Variants in TAF3 observed in about 807,000 individuals in gnomAD.
TAF3 encodes the protein TATA-box binding protein associated factor 3.
TAF3 carries 7 observed loss-of-function variants against 80.6 expected under a neutral mutation model. That is an observed-to-expected ratio of 0.09 (90% CI 0.05 to 0.16). The LOEUF (loss-of-function observed/expected upper bound fraction) is 0.16, where lower values mean the gene tolerates loss of function less well. TAF3 is among the 10% of genes least tolerant of loss of function. The pLI, the probability that TAF3 is intolerant of heterozygous loss-of-function variation, is 1.00. For missense variants in TAF3, 921 were observed against 1,140.2 expected, an observed-to-expected ratio of 0.81 and a Z score of 2.77; for synonymous variants, 444 against 446.1, an observed-to-expected ratio of 1.00 and a Z score of 0.06.
At chr10:7,985,486 A>G (rs752153835) in intron 4 of TAF3, among the ~76,000 whole-genome samples, 19 of 152,182 alleles carry the variant, frequency 1.2e-4, no homozygotes, top group Non-Finnish European at 2.1e-4. Context: ...GAAAAAGGCT[A>G]TGTAACATCT....
intron 1 of TAF3, among the ~76,000 whole-genome samples, chr10:7,823,698 G>A (rs1206224884): frequency 1.4e-5 from 2 of 148,082 alleles, no homozygotes; most frequent in Admixed American, 6.8e-5. Context: ...GTAGTGGCAC[G>A]ATCTCGGCTC....
intron 4 of TAF3, among the ~76,000 whole-genome samples, chr10:7,999,224 A>G (rs1164341473): frequency 2.0e-5 from 3 of 152,174 alleles, no homozygotes; most frequent in African/African-American, 7.2e-5. Flanking sequence ...AAAGCTGATT[A>G]ATATTTCTTG....
At chr10:7,915,469 C>G (rs1236293490) in intron 2 of TAF3, among the ~76,000 whole-genome samples, 5 of 147,138 alleles carry the variant, frequency 3.4e-5, no homozygotes, top group African/African-American at 1.3e-4. Flanking sequence ...ACGGTGAAAC[C>G]CCGTCTCTAC....
chr10:7,924,742 ACTAT>A (rs750924985), intron 2 of TAF3, among the ~76,000 whole-genome samples: 23 of 151,348 alleles, frequency 1.5e-4, no homozygotes, highest in Non-Finnish European at 3.2e-4. Flanking sequence ...CCAACAGAAC[ACTAT>A]CTGTGTTTTT....
chr10:7,957,792 GCGCTCTCTCTCTCT>G lies in TAF3; in HGVS notation c.410-6126_410-6113del, dbSNP rs1443295753. Among the ~76,000 whole-genome samples, 111 of 134,334 alleles carry G rather than the reference GCGCTCTCTCTCTCT, an allele frequency of 8.3e-4. 1 individual carries two copies. The East Asian group carries it at 0.016, about 20-fold the overall frequency. The allele number at this position is 134,334 out of a possible 152,430, so 88.1% of individuals were successfully genotyped here. A position where few individuals can be genotyped will look rare whatever the true frequency, so the allele number is the denominator to read the frequency against. On this transcript the variant is annotated intron_variant, in intron 2 of 6. Coordinates refer to ENST00000344293, the MANE Select transcript of TAF3 (RefSeq NM_031923.4). Reference sequence around the variant, plus strand: ...CTGTCTGTCTCACGCTCTCTCTAGCGCGCTCTCTCTCTCTCTCTCTCTCTCTCTCTCTCTCGATG... The same window carrying G: ...CTGTCTGTCTCACGCTCTCTCTAGCGCTCTCTCTCTCTCTCTCTCTCGATG...
chr10:7,926,668 A>G (rs1427621584), intron 2 of TAF3, among the ~76,000 whole-genome samples: 1 of 152,194 alleles, frequency 6.6e-6, no homozygotes, highest in Non-Finnish European at 1.5e-5. Flanking sequence ...AATTAAAACA[A>G]AATTTGTCTT....
Position 7,891,696 on chromosome 10 carries a change from T to C in TAF3, c.409+67136T>C, listed in dbSNP as rs189093328. ...ATTTAAGCATCTGTTTATCACTGCC[T>C]GGCTAGACTGAATGTAAAATTTCAA... On this transcript the variant is annotated intron_variant, in intron 2 of 6. Coordinates refer to ENST00000344293, the MANE Select transcript of TAF3 (RefSeq NM_031923.4). 2.0e-5 allele frequency among the ~76,000 whole-genome samples: 3 copies of C among 152,378 alleles called. No homozygotes were observed. In the East Asian group the frequency reaches 5.8e-4, roughly 29 times the overall value.
chr10:7,881,837 C>CA (rs1204584133), intron 2 of TAF3, among the ~76,000 whole-genome samples: 1 of 152,132 alleles, frequency 6.6e-6, no homozygotes, highest in African/African-American at 2.4e-5. Context: ...CTTCTCTGTG[C>CA]CCTAGTTAAC....
chr10:7,912,349 G>A (rs190555523), intron 2 of TAF3, among the ~76,000 whole-genome samples: 12 of 152,006 alleles, frequency 7.9e-5, no homozygotes, highest in African/African-American at 1.5e-4. Context: ...ATCATTCTGC[G>A]TTGGCCCCGC....
chr10:7,842,706 A>C (rs1322445674), intron 2 of TAF3, among the ~76,000 whole-genome samples: 4 of 152,174 alleles, frequency 2.6e-5, no homozygotes, highest in Non-Finnish European at 5.9e-5. Flanking sequence ...CCCCAATAAG[A>C]TATATCTGTT....
intron 4 of TAF3, among the ~76,000 whole-genome samples, chr10:8,007,366 A>G (rs1414311460): frequency 1.3e-5 from 2 of 151,820 alleles, no homozygotes; most frequent in African/African-American, 4.8e-5. Flanking sequence ...GTTTATGGAC[A>G]CCTACAAAGG....
In TAF3 at chr10:7,824,313, T is replaced by C; in HGVS notation, c.167-5T>C. On this transcript the variant is annotated splice_region_variant and splice_polypyrimidine_tract_variant and intron_variant, in intron 1 of 6. Transcript: ENST00000344293. ...TAATTTGATTTGCTTTTCACTTTGT[T>C]TCAGATGGCCGAACAGACCCAATTT... is the stretch of plus-strand genomic sequence containing the variant. 6.2e-7 allele frequency: 1 copy of C among 1,601,750 alleles called. No homozygotes were observed. The highest frequency in any genetic ancestry group is 8.5e-7 in the Non-Finnish European group (1 of 1,172,998).
intron 2 of TAF3, among the ~76,000 whole-genome samples, chr10:7,847,919 A>G (rs530164712): frequency 1.4e-3 from 216 of 152,056 alleles, no homozygotes; most frequent in Middle Eastern, 6.8e-3. Context: ...ACAGGCACCC[A>G]TCACCACACC....
rs1467686533 is a variant in TAF3, at chr10:7,859,079, G to A, written c.409+34519G>A. On this transcript the variant is annotated intron_variant, in intron 2 of 6. Transcript: ENST00000344293. ...AGATCGAGACCATCCTGGCTAACACGGTGAAACCCCGTCTCTACTAAAAAT... is the reference window on the plus strand; with the variant it reads ...AGATCGAGACCATCCTGGCTAACACAGTGAAACCCCGTCTCTACTAAAAAT... Among the ~76,000 whole-genome samples, 7 of 152,008 alleles carry A rather than the reference G, an allele frequency of 4.6e-5. 1 individual carries two copies. Among genetic ancestry groups the A allele is most frequent in the Admixed American group, 6.5e-5 (1 of 15,268 alleles).
intron 2 of TAF3, among the ~76,000 whole-genome samples, chr10:7,955,736 G>A (rs1838128524): frequency 6.6e-6 from 1 of 152,204 alleles, no homozygotes; most frequent in Non-Finnish European, 1.5e-5. Context: ...CTTTTGGTGT[G>A]TCAGACCTTA....
In TAF3 at chr10:7,954,627, C is replaced by T. The variant is rs148975571; in HGVS notation, c.410-9293C>T. Among the ~76,000 whole-genome samples, 546 of 137,974 alleles carry T rather than the reference C, an allele frequency of 4.0e-3. 64 individuals carry two copies. Among genetic ancestry groups the T allele is most frequent in the South Asian group, 0.025 (93 of 3,768 alleles). 90.5% of individuals were successfully genotyped at this position (137,974 alleles called of 152,430 possible). On this transcript the variant is annotated intron_variant, in intron 2 of 6. Transcript: ENST00000344293. Reference sequence around the variant, plus strand: ...TGAATTAGTCCCAGTTAACACAGAGCTCTCCATAGTGAGATTCAGAGTGCA... The same window carrying T: ...TGAATTAGTCCCAGTTAACACAGAGTTCTCCATAGTGAGATTCAGAGTGCA...
At chr10:7,828,913 C>T (rs1249539741) in intron 2 of TAF3, among the ~76,000 whole-genome samples, 2 of 148,612 alleles carry the variant, frequency 1.3e-5, no homozygotes, top group African/African-American at 5.0e-5. Flanking sequence ...GCCTGTAGTC[C>T]CAGCTACTCG....
At chr10:7,880,847 C>G (rs1401639298) in intron 2 of TAF3, among the ~76,000 whole-genome samples, 1 of 152,102 alleles carries the variant, frequency 6.6e-6, no homozygotes, top group Non-Finnish European at 1.5e-5. Context: ...AACGATATAC[C>G]TACTAATATT....
intron 4 of TAF3, among the ~76,000 whole-genome samples, chr10:7,995,742 C>A (rs1831881252): frequency 6.6e-6 from 1 of 152,106 alleles, no homozygotes; most frequent in South Asian, 2.1e-4. Flanking sequence ...GATAAAATAA[C>A]CATTTTATGA....
Sources: gnomAD v4.1 joint callset for allele counts (sites outside exome capture counted in the v4.1 genomes callset) on GRCh38, gnomAD v4.1.1 for gene constraint, MANE v1.5 for transcripts, NCBI Gene and HGNC (gene_info 2026-07-23, HGNC 2026-07-21) for gene names.